The following DMXL1 variants were observed in gnomAD, a reference collection of about 807,000 sequenced individuals.
DMXL1 encodes Dmx like 1.
In DMXL1, 99 loss-of-function variants were observed where a neutral mutation model predicts 319.2. The observed-to-expected ratio is 0.31, with a 90% CI of 0.26 to 0.37. The LOEUF is 0.37. Among genes scored for constraint, DMXL1 ranks in the 10% least tolerant of loss-of-function variants. DMXL1 has a pLI of 1.00. For missense variants in DMXL1, 3,745 were observed against 3,595.6 expected (o/e 1.04, Z -1.06); for synonymous variants, 1,385 against 1,235.2 (o/e 1.12, Z -2.54).
At chr5:119,197,176 A>G (rs2036565) in intron 31 of DMXL1, among the ~76,000 whole-genome samples, 73,462 of 151,974 alleles carry the variant, frequency 0.48, 19,825 homozygotes, top group East Asian at 0.95. Context: ...TACAGATCTT[A>G]AAGAGTTATA....
At chr5:119,155,105 T>C (rs1770703869) in intron 19 of DMXL1, among the ~76,000 whole-genome samples, 1 of 152,344 alleles carries the variant, frequency 6.6e-6, no homozygotes, top group East Asian at 1.9e-4. Context: ...CAGTGACCTG[T>C]TCACGCAAGA....
intron 33 of DMXL1, among the ~76,000 whole-genome samples, chr5:119,204,963 C>T (rs1329771638): frequency 2.0e-5 from 3 of 152,202 alleles, no homozygotes; most frequent in African/African-American, 7.2e-5. Context: ...AATTTAAGCA[C>T]CAATTTTAAG....
At chr5:119,178,579 G>T (rs1418892263) in intron 28 of DMXL1, 4 of 983,442 alleles carry the variant, frequency 4.1e-6, no homozygotes, top group Non-Finnish European at 4.8e-6. Context: ...TGGCAGGAAG[G>T]CACTTTGCTA....
chr5:119,158,261 T>C (rs770937207), intron 19 of DMXL1, among the ~76,000 whole-genome samples: 19 of 152,172 alleles, frequency 1.2e-4, no homozygotes, highest in Non-Finnish European at 2.6e-4. Flanking sequence ...TGTTTATTTT[T>C]AAAATCAGAT....
intron 5 of DMXL1, among the ~76,000 whole-genome samples, chr5:119,110,601 C>CT (rs1373535966): frequency 6.6e-6 from 1 of 152,172 alleles, no homozygotes; most frequent in Non-Finnish European, 1.5e-5. Context: ...CTGAAGAAAT[C>CT]TATTTTTCCC....
intron 3 of DMXL1, among the ~76,000 whole-genome samples, chr5:119,102,385 C>A (rs1161695781): frequency 6.6e-6 from 1 of 152,124 alleles, no homozygotes; most frequent in South Asian, 2.1e-4. Context: ...CTCTTCAGGG[C>A]TTAACTTTCT....
intron 35 of DMXL1, among the ~76,000 whole-genome samples, chr5:119,219,542 A>G (rs1327210634): frequency 6.6e-6 from 1 of 151,484 alleles, no homozygotes; most frequent in African/African-American, 2.4e-5. Context: ...TTTCTGTTTC[A>G]AAGATACACA....
intron 2 of DMXL1, among the ~76,000 whole-genome samples, chr5:119,101,003 G>A (rs900768201): frequency 4.0e-5 from 6 of 151,732 alleles, no homozygotes; most frequent in East Asian, 3.9e-4. Context: ...GGATGGACTC[G>A]ATCTCCTGAC....
At chr5:119,126,267 G>A (rs1190215348) in intron 9 of DMXL1, among the ~76,000 whole-genome samples, 1 of 152,154 alleles carries the variant, frequency 6.6e-6, no homozygotes, top group Non-Finnish European at 1.5e-5. Context: ...TGGGCAGCAA[G>A]AGTGAAACTC....
At chr5:119,201,375 A>G (rs981695157) in intron 32 of DMXL1, among the ~76,000 whole-genome samples, 1 of 152,102 alleles carries the variant, frequency 6.6e-6, no homozygotes, top group Non-Finnish European at 1.5e-5. Context: ...ACATTTGTTG[A>G]TTTGCATATG....
At position 119,148,770 on chromosome 5, in the gene DMXL1, A is replaced by T. The variant is rs1179173032; in HGVS notation, c.2943A>T (p.Ala981=). 3.1e-6 allele frequency: 5 copies of T among 1,613,368 alleles called. No homozygotes were observed. In the African/African-American group the frequency reaches 4.0e-5, roughly 13 times the overall value. Residue 981 remains alanine, a synonymous_variant, in exon 18 of 44, where the codon GCA becomes GCT. Coordinates refer to ENST00000539542, the MANE Select transcript of DMXL1 (RefSeq NM_001290321.3). The stretch of plus-strand genomic sequence containing the variant: ...TGAGTTCATCTTCTATATATCCTGC[A>T]TGCAGTGCTCCTTATTTATTGGCAA... ...GHLSSSSIYP[A]CSAPYLLATS... is the part of the protein sequence containing the mutation.
intron 41 of DMXL1, among the ~76,000 whole-genome samples, chr5:119,239,662 G>T (rs1365734342): frequency 6.6e-6 from 1 of 152,068 alleles, no homozygotes; most frequent in African/African-American, 2.4e-5. Flanking sequence ...TAAATTTTCT[G>T]TAAAAATTGT....
chr5:119,231,521 G>A (rs965735147), intron 38 of DMXL1, among the ~76,000 whole-genome samples: 10 of 152,204 alleles, frequency 6.6e-5, no homozygotes, highest in Admixed American at 1.3e-4. Context: ...GGCCTACCAG[G>A]AGGTAACTGT....
At chr5:119,235,629 C>A (rs9327092) in intron 39 of DMXL1, among the ~76,000 whole-genome samples, 133,756 of 152,160 alleles carry the variant, frequency 0.88, 59,228 homozygotes, top group Non-Finnish European at 0.94. Flanking sequence ...TGAGAAGCAA[C>A]ACGTACCTGC....
Position 119,198,420 on chromosome 5 carries a change from A to G in DMXL1, c.7745+464A>G, listed in dbSNP as rs561721553. ...CACAAATATATTCAGTTTTTGTCCAATAAACTTTATTTCTTAAAATGGTAG... is the reference window on the plus strand; with the variant it reads ...CACAAATATATTCAGTTTTTGTCCAGTAAACTTTATTTCTTAAAATGGTAG... On this transcript the variant is annotated intron_variant, in intron 32 of 43. Transcript: ENST00000539542. Among the ~76,000 whole-genome samples, 11 of 152,232 alleles carry G rather than the reference A, an allele frequency of 7.2e-5. No homozygotes were observed. In the East Asian group the frequency reaches 2.1e-3, roughly 29 times the overall value.
At chr5:119,222,362 T>C (rs961384548) in intron 37 of DMXL1, among the ~76,000 whole-genome samples, 2 of 151,936 alleles carry the variant, frequency 1.3e-5, no homozygotes, top group Non-Finnish European at 2.9e-5. Flanking sequence ...TAAAATGAAC[T>C]TGAAAAGCAA....
In DMXL1 at chr5:119,170,265, G is replaced by A. The variant is rs755206506; in HGVS notation, c.5474G>A (p.Arg1825Lys). 1 of 1,613,708 alleles carries A rather than the reference G, an allele frequency of 6.2e-7. No homozygotes were observed. The highest frequency in any genetic ancestry group is 8.5e-7 in the Non-Finnish European group (1 of 1,179,900). Residue 1825 changes from arginine to lysine, a missense_variant, in exon 24 of 44, where the codon AGA (arginine) becomes AAA (lysine). Arg to Lys is a conservative substitution (Grantham distance 26). Transcript: ENST00000539542. ...CTAAGAACACATCCTCTTTTGCTGAGACGTCATTTTGGATCATCTGATACA... is the reference window on the plus strand; with the variant it reads ...CTAAGAACACATCCTCTTTTGCTGAAACGTCATTTTGGATCATCTGATACA... ...NYLRTHPLLLRRHFGSSDTFS... is the reference protein window; with the variant it reads ...NYLRTHPLLLKRHFGSSDTFS...
At chr5:119,154,969 A>C (rs759777403) in intron 19 of DMXL1, among the ~76,000 whole-genome samples, 1 of 152,238 alleles carries the variant, frequency 6.6e-6, no homozygotes, top group Non-Finnish European at 1.5e-5. Flanking sequence ...TGCGCTCTAC[A>C]CATGGAATAG....
intron 18 of DMXL1, among the ~76,000 whole-genome samples, 193 bp from the exon 19 acceptor site, chr5:119,151,736 T>C (rs1030749079): frequency 6.6e-6 from 1 of 152,216 alleles, no homozygotes; most frequent in African/African-American, 2.4e-5. Context: ...TTTATTCTCT[T>C]TATTATTTTT....
Sources: allele counts gnomAD v4.1 joint callset (sites outside exome capture counted in the v4.1 genomes callset), GRCh38; gene constraint gnomAD v4.1.1; transcripts MANE v1.5; gene names NCBI Gene and HGNC (gene_info 2026-07-23, HGNC 2026-07-21).